The following PUDP variants were observed in gnomAD, a reference collection of about 807,000 sequenced individuals.
The protein encoded by PUDP is pseudouridine 5'-phosphatase.
Under a neutral mutation model 9.4 loss-of-function variants are expected in PUDP, and 8 were observed. The observed-to-expected ratio is 0.85, with a 90% CI of 0.50 to 1.53. The LOEUF is 1.53. Among genes scored for constraint, PUDP ranks in the 40% most tolerant of loss-of-function variants. The pLI is 0.00. For synonymous variants in PUDP, 99 were observed against 80.7 expected, an observed-to-expected ratio of 1.23 and a Z score of -1.22; for missense variants, 188 against 189.7, an observed-to-expected ratio of 0.99 and a Z score of 0.05.
chrX:6,922,007 G>A (rs1185697965), intron 3 of PUDP, among the ~76,000 whole-genome samples: 1 of 111,270 alleles, frequency 9.0e-6, no homozygotes, highest in African/African-American at 3.3e-5. Flanking sequence ...GGCACAGAAA[G>A]ACAAACATCA....
chrX:6,873,510 T>C (rs1226610995), intron 3 of PUDP, among the ~76,000 whole-genome samples: 1 of 112,004 alleles, frequency 8.9e-6, no homozygotes, highest in Non-Finnish European at 1.9e-5. Context: ...AAATCTATGT[T>C]AAAATGGCTC....
At chrX:6,790,556 T>C (rs1925728369) in intron 3 of PUDP, among the ~76,000 whole-genome samples, 1 of 112,811 alleles carries the variant, frequency 8.9e-6, no homozygotes, top group African/African-American at 3.2e-5. Context: ...ATTTGGATTT[T>C]AGACAGGTAA....
At chrX:6,849,316 T>G (rs1370868089) in intron 3 of PUDP, among the ~76,000 whole-genome samples, 1 of 112,426 alleles carries the variant, frequency 8.9e-6, no homozygotes, top group Non-Finnish European at 1.9e-5. Context: ...TTGACTTGAA[T>G]GATCTTAACA....
chrX:6,833,187 A>C (rs1720087872), intron 3 of PUDP, among the ~76,000 whole-genome samples: 1 of 112,734 alleles, frequency 8.9e-6, no homozygotes, highest in Admixed American at 9.4e-5. Context: ...TCTAATGAAC[A>C]CATATACTTA....
At chrX:7,110,951 G>C (rs902112915) in intron 1 of PUDP, among the ~76,000 whole-genome samples, 1 of 111,771 alleles carries the variant, frequency 8.9e-6, no homozygotes, top group Middle Eastern at 4.2e-3. Context: ...GGATGTATAC[G>C]TGCAGGTCAC....
At chrX:6,902,101 G>A (rs1230179159) in intron 3 of PUDP, among the ~76,000 whole-genome samples, 1 of 111,290 alleles carries the variant, frequency 9.0e-6, no homozygotes, top group Non-Finnish European at 1.9e-5. Context: ...GCCCAGGCTG[G>A]TCTCAAACTC....
At chrX:6,886,892 G>GA (rs1569117277) in intron 3 of PUDP, among the ~76,000 whole-genome samples, 1 of 109,748 alleles carries the variant, frequency 9.1e-6, no homozygotes, top group Non-Finnish European at 1.9e-5. Context: ...CTTGAAATTA[G>GA]AAACACATTT....
At chrX:7,080,459 A>G (rs1419723365) in intron 2 of PUDP, among the ~76,000 whole-genome samples, 2 of 111,832 alleles carry the variant, frequency 1.8e-5, no homozygotes, top group Admixed American at 1.9e-4. Flanking sequence ...CTCATTTTAC[A>G]TTTTACATCA....
intron 2 of PUDP, among the ~76,000 whole-genome samples, chrX:7,102,599 C>T (rs1485182667): frequency 9.1e-6 from 1 of 109,710 alleles, no homozygotes. Context: ...GGCAAGAAAA[C>T]ACAACAAAAG....
At chrX:6,829,839 CT>C (rs750716036) in intron 3 of PUDP, among the ~76,000 whole-genome samples, 48 of 110,699 alleles carry the variant, frequency 4.3e-4, no homozygotes, top group African/African-American at 1.4e-3. Context: ...TACAAGGAGG[CT>C]TTTGGTAGCT....
In PUDP at chrX:6,729,604, C is replaced by A. The variant is rs751239640; in HGVS notation, c.*248-23138G>T. 6.2e-5 allele frequency among the ~76,000 whole-genome samples: 7 copies of A among 112,139 alleles called. No individual in the cohort carries two copies. The East Asian group carries it at 1.7e-3, about 27-fold the overall frequency. On this transcript the variant is annotated intron_variant and NMD_transcript_variant, in intron 3 of 3. Transcript: ENST00000655425. ...TGAGTTGTGGGATATGATGAGGTTT[C>A]TCTTCAAATAGCCTGATCAATCCTT... is the stretch of plus-strand genomic sequence containing the variant.
intron 3 of PUDP, among the ~76,000 whole-genome samples, chrX:6,948,047 T>A (rs183632037): frequency 6.3e-4 from 71 of 111,916 alleles, no homozygotes; most frequent in Non-Finnish European, 1.0e-3. Flanking sequence ...ATATTAGACA[T>A]CTAACATGAT....
At chrX:6,824,679 C>T (rs1318166702) in intron 3 of PUDP, among the ~76,000 whole-genome samples, 1 of 111,751 alleles carries the variant, frequency 8.9e-6, no homozygotes, top group African/African-American at 3.3e-5. Context: ...CGGGTTGGGT[C>T]TTCCTTCTAA....
chrX:6,995,563 A>C (rs1383762506), intron 1 of PUDP, among the ~76,000 whole-genome samples: 1 of 109,547 alleles, frequency 9.1e-6, no homozygotes, highest in African/African-American at 3.3e-5. Context: ...GTCTCTAAAA[A>C]TTATACAAAA....
chrX:7,056,110 T>C (rs1930235232), intron 3 of PUDP, among the ~76,000 whole-genome samples: 2 of 112,438 alleles, frequency 1.8e-5, no homozygotes, highest in African/African-American at 6.5e-5. Flanking sequence ...CCACCACCCA[T>C]ACAGTGAATC....
At chrX:6,890,611 T>C (rs1227445561) in intron 3 of PUDP, among the ~76,000 whole-genome samples, 1 of 110,874 alleles carries the variant, frequency 9.0e-6, no homozygotes, top group Non-Finnish European at 1.9e-5. Flanking sequence ...TGTTGGTGAC[T>C]TTCCTTGTTT....
chrX:7,100,998 A>G (rs1218708572), intron 2 of PUDP, among the ~76,000 whole-genome samples: 1 of 111,876 alleles, frequency 8.9e-6, no homozygotes, highest in Non-Finnish European at 1.9e-5. Flanking sequence ...TCATCTGACC[A>G]CTGTCCCTGC....
chrX:6,891,329 A>G (rs1231573962), intron 3 of PUDP, among the ~76,000 whole-genome samples: 4 of 111,925 alleles, frequency 3.6e-5, no homozygotes, highest in Non-Finnish European at 7.5e-5. Flanking sequence ...TTTTCCCAGC[A>G]TTTGTTTCCC....
chrX:6,820,050 A>G (rs1171002009), intron 3 of PUDP, among the ~76,000 whole-genome samples: 1 of 107,249 alleles, frequency 9.3e-6, no homozygotes, highest in East Asian at 2.9e-4. Flanking sequence ...TTGGACTTAG[A>G]GTTCCACATG....
Sources: allele counts gnomAD v4.1 joint callset (sites outside exome capture counted in the v4.1 genomes callset), GRCh38; gene constraint gnomAD v4.1.1; transcripts MANE v1.5; gene names NCBI Gene and HGNC (gene_info 2026-07-23, HGNC 2026-07-21).